TMTC2: variants seen among roughly 807,000 people sequenced by gnomAD.
TMTC2 encodes the protein transmembrane O-mannosyltransferase targeting cadherins 2, also known as protein O-mannosyl-transferase TMTC2.
A neutral mutation model predicts 82.4 loss-of-function variants in TMTC2; 43 were observed. That is an observed-to-expected ratio of 0.52 (90% confidence interval 0.41 to 0.67). The LOEUF (loss-of-function observed/expected upper bound fraction) is 0.67. TMTC2 is among the 30% of genes least tolerant of loss of function. TMTC2 has a pLI of 0.00. For synonymous variants in TMTC2, 408 were observed against 381.9 expected (o/e 1.07, Z -0.80); for missense variants, 919 against 1,012.4 (o/e 0.91, Z 1.25).
rs545007807 is a variant in TMTC2, at chr12:82,935,545, A to G, written c.1598+5000A>G. Among the ~76,000 whole-genome samples the G allele has an allele frequency of 2.8e-4, 42 of 152,202 alleles. No individual in the cohort carries two copies. The South Asian group carries it at 7.7e-3, about 28-fold the overall frequency. ...TTTATAAGTATAGAGTTCACTTTCA[A>G]CCTCTTCGCTACACCACTCACTGCA... On this transcript the variant is annotated intron_variant, in intron 4 of 11. Transcript: ENST00000321196.
chr12:82,857,970 A>G (rs971666300), intron 2 of TMTC2, among the ~76,000 whole-genome samples: 5 of 152,236 alleles, frequency 3.3e-5, no homozygotes, highest in Non-Finnish European at 7.3e-5. Flanking sequence ...TAGACTTTAC[A>G]GGGGAAATCC....
chr12:82,978,474 T>G (rs903851075), intron 7 of TMTC2, among the ~76,000 whole-genome samples: 1 of 151,706 alleles, frequency 6.6e-6, no homozygotes, highest in Non-Finnish European at 1.5e-5. Context: ...TATGTTTAAT[T>G]TCCGTGTGTG....
chr12:82,779,590 C>G (rs925807980), intron 1 of TMTC2, among the ~76,000 whole-genome samples: 26 of 152,226 alleles, frequency 1.7e-4, no homozygotes, highest in African/African-American at 5.8e-4. Context: ...CTTAGTGTAG[C>G]TGTTAAACAA....
intron 7 of TMTC2, among the ~76,000 whole-genome samples, chr12:82,979,043 T>C (rs972067452): frequency 2.0e-5 from 3 of 151,992 alleles, no homozygotes; most frequent in East Asian, 1.9e-4. Flanking sequence ...AATATCTTTT[T>C]CCATCCCTTT....
intron 11 of TMTC2, among the ~76,000 whole-genome samples, chr12:83,126,083 T>C (rs1885089717): frequency 6.6e-6 from 1 of 152,180 alleles, no homozygotes; most frequent in African/African-American, 2.4e-5. Flanking sequence ...ATCTTACATA[T>C]ATCAAGATGT....
chr12:82,969,364 C>G (rs966044113), intron 7 of TMTC2, among the ~76,000 whole-genome samples: 1 of 152,152 alleles, frequency 6.6e-6, no homozygotes, highest in African/African-American at 2.4e-5. Flanking sequence ...CAACCACTAC[C>G]CCCAAGCACT....
In TMTC2 at chr12:82,984,600, T is replaced by C. The variant is rs1879076631; in HGVS notation, c.1949-1325T>C. ...AAGCTGTCATGATTATGATTACTTATGCTTATATATAAAGGTCTGTCTGGA... is the reference window on the plus strand; with the variant it reads ...AAGCTGTCATGATTATGATTACTTACGCTTATATATAAAGGTCTGTCTGGA... On this transcript the variant is annotated intron_variant, in intron 7 of 11. Coordinates refer to ENST00000321196, the MANE Select transcript of TMTC2 (RefSeq NM_152588.3). Among the ~76,000 whole-genome samples, 2 of 152,306 alleles carry C rather than the reference T, an allele frequency of 1.3e-5. 1 individual carries two copies. The highest frequency in any genetic ancestry group is 4.1e-4 in the South Asian group (2 of 4,832).
intron 11 of TMTC2, among the ~76,000 whole-genome samples, chr12:83,069,955 C>G (rs1211977708): frequency 1.3e-5 from 2 of 152,042 alleles, no homozygotes; most frequent in African/African-American, 4.8e-5. Context: ...TGTCCTTTCC[C>G]CACTTTATGT....
intron 9 of TMTC2, among the ~76,000 whole-genome samples, chr12:83,046,146 C>T (rs1882118654): frequency 6.6e-6 from 1 of 152,154 alleles, no homozygotes; most frequent in Non-Finnish European, 1.5e-5. Context: ...ATTCATTCTT[C>T]TCAGGAGGCA....
At chr12:82,987,963 C>G (rs1455983242) in intron 8 of TMTC2, among the ~76,000 whole-genome samples, 4 of 152,098 alleles carry the variant, frequency 2.6e-5, no homozygotes, top group African/African-American at 9.7e-5. Context: ...CCCTGGAATT[C>G]CGAAGCCAAT....
intron 3 of TMTC2, among the ~76,000 whole-genome samples, chr12:82,920,350 A>C (rs988761463): frequency 2.0e-5 from 3 of 152,170 alleles, no homozygotes; most frequent in Admixed American, 1.3e-4. Flanking sequence ...AACTTTGAAA[A>C]AATTTAGAGG....
chr12:82,787,415 T>G (rs1878228273), intron 1 of TMTC2, among the ~76,000 whole-genome samples: 1 of 152,260 alleles, frequency 6.6e-6, no homozygotes, highest in African/African-American at 2.4e-5. Context: ...TTGAAAAAAA[T>G]ACAGAACCTA....
intron 8 of TMTC2, among the ~76,000 whole-genome samples, chr12:83,008,986 G>A (rs924865639): frequency 2.0e-5 from 3 of 152,180 alleles, no homozygotes; most frequent in Non-Finnish European, 2.9e-5. Context: ...GAGGGAGGAG[G>A]AACATTCTGT....
intron 3 of TMTC2, among the ~76,000 whole-genome samples, chr12:82,916,610 C>T (rs1219228788): frequency 1.3e-5 from 2 of 152,136 alleles, no homozygotes; most frequent in African/African-American, 4.8e-5. Flanking sequence ...TGCCAAGGAA[C>T]AACCGTAGAT....
At chr12:83,106,646 C>T (rs980451882) in intron 11 of TMTC2, among the ~76,000 whole-genome samples, 30 of 152,054 alleles carry the variant, frequency 2.0e-4, no homozygotes, top group African/African-American at 7.2e-4. Context: ...CTAAAACCAG[C>T]CAGAGAGAAA....
intron 1 of TMTC2, among the ~76,000 whole-genome samples, chr12:82,755,458 A>G (rs888618090): frequency 2.0e-5 from 3 of 152,236 alleles, no homozygotes; most frequent in Non-Finnish European, 2.9e-5. Context: ...TTAATTAATC[A>G]AAATTGTTCA....
chr12:82,889,088 C>T (rs1186909821), intron 2 of TMTC2, among the ~76,000 whole-genome samples: 2 of 151,940 alleles, frequency 1.3e-5, no homozygotes, highest in Non-Finnish European at 2.9e-5. Flanking sequence ...ACGAGCCTGA[C>T]CAACATGGTG....
At chr12:83,038,927 GTTTTT>G (rs537630267) in intron 9 of TMTC2, among the ~76,000 whole-genome samples, 1 of 109,100 alleles carries the variant, frequency 9.2e-6, no homozygotes, top group African/African-American at 3.6e-5. Flanking sequence ...AAGCACCTTG[GTTTTT>G]TTTTTTTTTT....
intron 1 of TMTC2, among the ~76,000 whole-genome samples, chr12:82,738,176 A>T (rs1021363548): frequency 3.3e-5 from 5 of 152,198 alleles, no homozygotes; most frequent in Non-Finnish European, 7.4e-5. Flanking sequence ...TGCAAGCTTG[A>T]AAAGGACCAA....
Sources: allele counts gnomAD v4.1 joint callset (sites outside exome capture counted in the v4.1 genomes callset), GRCh38; gene constraint gnomAD v4.1.1; transcripts MANE v1.5; gene names NCBI Gene and HGNC (gene_info 2026-07-23, HGNC 2026-07-21).